Variants in CCDC141 observed in about 807,000 individuals in gnomAD.
The protein encoded by CCDC141 is coiled-coil domain-containing protein 141.
In CCDC141, 168 loss-of-function variants were observed where a neutral mutation model predicts 181.0. The ratio of observed to expected loss-of-function variants is 0.93; its 90% CI spans 0.82 to 1.05. CCDC141 has a LOEUF of 1.05. CCDC141 is among the 50% of genes least tolerant of loss of function. The probability of loss-of-function intolerance (pLI) is 0.00; values close to 1 mark genes in which losing one functional copy is unlikely to be tolerated. For missense variants in CCDC141, 1,902 were observed against 1,788.5 expected (o/e 1.06, Z -1.14); for synonymous variants, 666 against 642.3 (o/e 1.04, Z -0.56).
At chr2:178,837,847 A>T (rs1375107303) in intron 22 of CCDC141, 103 bp from the exon 23 acceptor site, 5 of 1,284,926 alleles carry the variant, frequency 3.9e-6, no homozygotes, top group Non-Finnish European at 5.0e-6. Context: ...GAGACAACCT[A>T]CAAGGTTAAA....
intron 7 of CCDC141, among the ~76,000 whole-genome samples, chr2:178,908,483 C>T (rs768702033): frequency 1.3e-5 from 2 of 152,136 alleles, no homozygotes; most frequent in African/African-American, 2.4e-5. Flanking sequence ...TGAGCCACCG[C>T]GCCCAGCCGA....
At chr2:179,006,939 C>A (rs995030304) in intron 2 of CCDC141, among the ~76,000 whole-genome samples, 7 of 151,984 alleles carry the variant, frequency 4.6e-5, no homozygotes, top group African/African-American at 9.7e-5. Context: ...TGTGAGAAAC[C>A]AATGACACAG....
In CCDC141 at chr2:178,837,169, A is replaced by G; in HGVS notation, c.4050T>C (p.His1350=). The change falls in exon 23 of 24, where the codon CAT becomes CAC. Residue 1350 remains histidine, a synonymous_variant. Transcript: ENST00000443758. ...GGGTTTTAGTGAAGTTATTATCAGC[A>G]TGCATTTTCTCCCGTGTTTCTAGCA... The part of the protein sequence containing the change: ...GGLLETREKM[H]ADNNFTKTQD... 1 of 1,613,998 alleles carries G rather than the reference A, an allele frequency of 6.2e-7. No homozygotes were observed. Among genetic ancestry groups the G allele is most frequent in the Non-Finnish European group, 8.5e-7 (1 of 1,179,954 alleles).
At chr2:178,872,362 GC>G in intron 12 of CCDC141, 50 bp from the exon 13 acceptor site, 1 of 1,486,232 alleles carries the variant, frequency 6.7e-7, no homozygotes. Context: ...AAGAGATACA[GC>G]TTTTTGTTGT....
At position 178,902,293 on chromosome 2, in the gene CCDC141, G is replaced by A. The variant is rs192389570; in HGVS notation, c.1265+3036C>T. Among the ~76,000 whole-genome samples, 62 of 152,188 alleles carry A rather than the reference G, an allele frequency of 4.1e-4. No homozygotes were observed. The East Asian group carries it at 0.011, about 27-fold the overall frequency. On this transcript the variant is annotated intron_variant, in intron 8 of 23. Transcript: ENST00000443758. ...ATGGCAACAAAAAAGAGCCTGCATC[G>A]CCAAGTCAATCCTAAGCCAAAAGAA...
the CCDC141 span, among the ~76,000 whole-genome samples, chr2:178,815,559 G>A: frequency 3.9e-5 from 6 of 152,188 alleles, no homozygotes; most frequent in Admixed American, 1.3e-4. Context: ...GACACTTGCA[G>A]TATAGTCGTC....
chr2:179,047,246 CTTTAAT>C (rs1559070610), intron 2 of CCDC141, 32 bp downstream of exon 2: 6 of 1,490,162 alleles, frequency 4.0e-6, no homozygotes, highest in Non-Finnish European at 4.4e-6. Flanking sequence ...TTTTATGTCT[CTTTAAT>C]TTTGTTTCTG....
At chr2:178,917,003 T>C (rs1688484340) in intron 7 of CCDC141, among the ~76,000 whole-genome samples, 2 of 151,122 alleles carry the variant, frequency 1.3e-5, no homozygotes, top group Non-Finnish European at 2.9e-5. Context: ...CCCAGAAAAA[T>C]ATCCCAGCAA....
intron 2 of CCDC141, among the ~76,000 whole-genome samples, chr2:178,997,009 T>A (rs1487870453): frequency 6.6e-6 from 1 of 152,200 alleles, no homozygotes; most frequent in Non-Finnish European, 1.5e-5. Flanking sequence ...CAGAATGAAC[T>A]AGACATGATT....
intron 6 of CCDC141, among the ~76,000 whole-genome samples, chr2:178,934,497 T>C (rs1000390417): frequency 3.3e-5 from 5 of 152,120 alleles, no homozygotes; most frequent in Non-Finnish European, 2.9e-5. Flanking sequence ...CTCTTATATA[T>C]GCAAAAGAAA....
intron 6 of CCDC141, among the ~76,000 whole-genome samples, chr2:178,921,960 T>A (rs1383973997): frequency 6.6e-6 from 1 of 152,186 alleles, no homozygotes; most frequent in Non-Finnish European, 1.5e-5. Context: ...GGTAATTCTT[T>A]AAAAAGATTT....
intron 20 of CCDC141, among the ~76,000 whole-genome samples, chr2:178,852,050 T>C (rs1685186669): frequency 6.6e-6 from 1 of 152,222 alleles, no homozygotes; most frequent in Non-Finnish European, 1.5e-5. Context: ...CAAATATTTG[T>C]TAAGCAGTTG....
chr2:178,925,382 C>T (rs770101961), intron 6 of CCDC141, among the ~76,000 whole-genome samples: 3 of 152,158 alleles, frequency 2.0e-5, no homozygotes, highest in Admixed American at 6.5e-5. Context: ...ACTTTAGCAG[C>T]GTGAAGCACA....
intron 8 of CCDC141, among the ~76,000 whole-genome samples, chr2:178,902,783 G>T (rs1330264230): frequency 6.7e-6 from 1 of 149,680 alleles, no homozygotes; most frequent in African/African-American, 2.4e-5. Flanking sequence ...AAGAGCTTCT[G>T]CACAGCAAAA....
chr2:179,014,284 G>A (rs1370794856), intron 2 of CCDC141, among the ~76,000 whole-genome samples: 1 of 152,052 alleles, frequency 6.6e-6, no homozygotes, highest in African/African-American at 2.4e-5. Flanking sequence ...GATGGATTAA[G>A]GACTTAAACC....
chr2:178,871,945 T>C (rs1032896644), intron 13 of CCDC141, among the ~76,000 whole-genome samples, 188 bp downstream of exon 13: 3 of 152,208 alleles, frequency 2.0e-5, no homozygotes, highest in Non-Finnish European at 1.5e-5. Context: ...TCCCAGTCCC[T>C]GGTAACCTAC....
At chr2:178,873,695 A>G (rs1270543951) in intron 12 of CCDC141, 1 of 152,180 alleles carries the variant, frequency 6.6e-6, no homozygotes, top group Non-Finnish European at 1.5e-5. Flanking sequence ...TTGGCCACTC[A>G]AGAAGATTGA....
intron 2 of CCDC141, among the ~76,000 whole-genome samples, chr2:178,991,328 T>C (rs1396796137): frequency 6.6e-6 from 1 of 152,220 alleles, no homozygotes; most frequent in African/African-American, 2.4e-5. Flanking sequence ...TTCATTTCTA[T>C]ATTGAACTTT....
rs778099790 is a variant in CCDC141 at position 178,837,384 on chromosome 2, TATC to T, written c.3832_3834del (p.Asp1278del). The T allele has an allele frequency of 3.1e-6, 5 of 1,614,076 alleles. No homozygotes were observed. The highest frequency in any genetic ancestry group is 4.5e-5 in the East Asian group (2 of 44,862). ...AAATGACTTGAAAATGTTTCTCTCT[TATC>T]ATTGCATGCATCCGCAAAGGCAACA... On this transcript the variant is annotated inframe_deletion, in exon 23 of 24. Coordinates refer to ENST00000443758, the MANE Select transcript of CCDC141 (RefSeq NM_173648.4).
Sources: allele counts gnomAD v4.1 joint callset (sites outside exome capture counted in the v4.1 genomes callset), GRCh38; gene constraint gnomAD v4.1.1; transcripts MANE v1.5; gene names NCBI Gene and HGNC (gene_info 2026-07-23, HGNC 2026-07-21).